EVC2: variants seen among roughly 807,000 people sequenced by gnomAD.
EVC2 encodes EvC ciliary complex subunit 2.
Under a neutral mutation model 149.3 loss-of-function variants are expected in EVC2, and 148 were observed. The ratio of observed to expected loss-of-function variants is 0.99; its 90% CI spans 0.87 to 1.14. EVC2 has a LOEUF of 1.14. Among genes scored for constraint, EVC2 ranks in the 50% most tolerant of loss-of-function variants. The probability of loss-of-function intolerance (pLI) is 0.00; values close to 1 mark genes in which losing one functional copy is unlikely to be tolerated. For synonymous variants in EVC2, 776 were observed against 649.9 expected, an observed-to-expected ratio of 1.19 and a Z score of -2.95; for missense variants, 1,854 against 1,627.3, an observed-to-expected ratio of 1.14 and a Z score of -2.40.
intron 11 of EVC2, 30 bp downstream of exon 11, chr4:5,631,763 T>A (rs1160789507): frequency 1.2e-6 from 2 of 1,611,780 alleles, no homozygotes; most frequent in Admixed American, 3.3e-5. Flanking sequence ...GAAAAATTAC[T>A]TTTCCATCAC....
the EVC2 span, among the ~76,000 whole-genome samples, chr4:5,531,821 T>C: frequency 6.6e-6 from 1 of 151,970 alleles, no homozygotes; most frequent in Non-Finnish European, 1.5e-5. Context: ...AAGTGCACAA[T>C]AAATATAATG....
rs4689278 is a variant in EVC2, at chr4:5,689,175, T to C, written c.688A>G (p.Ser230Gly). ...CTGTTACCTTGCAGAAACTTCTTGC[T>C]AAAAGCCTGGAATCCTTCCGAGGTC... ...NRTSEGFQAFSKKFLQVGDAF... is the reference protein window; with the variant it reads ...NRTSEGFQAFGKKFLQVGDAF... Residue 230 changes from serine to glycine, a missense_variant, in exon 5 of 22, where the codon AGC becomes GGC. Coordinates refer to ENST00000344408, the MANE Select transcript of EVC2 (RefSeq NM_147127.5). The C allele has an allele frequency of 0.23, 363,733 of 1,613,956 alleles. 41,951 individuals carry two copies. Among genetic ancestry groups the C allele is most frequent in the East Asian group, 0.35 (15,781 of 44,862 alleles).
At chr4:5,626,005 G>A (rs1577175582) in intron 12 of EVC2, 97 bp from the exon 13 acceptor site, 1 of 1,466,256 alleles carries the variant, frequency 6.8e-7, no homozygotes, top group Non-Finnish European at 9.5e-7. Flanking sequence ...TATTAGTTTG[G>A]TTTGAATCAG....
rs572056540 is a variant in EVC2 at position 5,622,728 on chromosome 4, C to T, written c.2310G>A (p.Trp770Ter). Residue 770 changes from tryptophan to a stop codon, truncating the protein, a stop_gained, in exon 14 of 22, where the codon TGG (tryptophan) becomes TGA (stop). Coordinates refer to ENST00000344408, the MANE Select transcript of EVC2 (RefSeq NM_147127.5). LOFTEE classifies it high-confidence loss of function. The surrounding 1 kb of genome is among the most constrained non-coding windows in gnomAD (Gnocchi z 5.8). ...TQELLKRGVPWLFLQQILEEH... is the reference protein window; with the variant it reads ...TQELLKRGVP ...CCTCCAGGATCTGCTGCAGGAAGAG[C>T]CAGGGCACCCCACGCTTGAGCAGCT... 6.2e-7 allele frequency: 1 copy of T among 1,614,020 alleles called. No individual in the cohort carries two copies. Among genetic ancestry groups the T allele is most frequent in the Non-Finnish European group, 8.5e-7 (1 of 1,180,044 alleles).
chr4:5,631,500 CATCTT>C lies in EVC2; in HGVS notation c.1710+288_1710+292del, dbSNP rs1021645471. ...GTGGGTGTGGGCATTCTATCACACTCATCTTATAAGTGACGAAACTAAGGCTCAAA... is the reference window on the plus strand; with the variant it reads ...GTGGGTGTGGGCATTCTATCACACTCATAAGTGACGAAACTAAGGCTCAAA... On this transcript the variant is annotated intron_variant, in intron 11 of 21. Coordinates refer to ENST00000344408, the MANE Select transcript of EVC2 (RefSeq NM_147127.5). Among the ~76,000 whole-genome samples, 21 of 152,098 alleles carry C rather than the reference CATCTT, an allele frequency of 1.4e-4. No homozygotes were observed. The South Asian group carries it at 3.5e-3, about 26-fold the overall frequency.
chr4:5,663,494 C>T (rs1408459172), intron 8 of EVC2, among the ~76,000 whole-genome samples: 1 of 152,192 alleles, frequency 6.6e-6, no homozygotes, highest in Non-Finnish European at 1.5e-5. Context: ...GAACAATGGA[C>T]AGAAAGAACT....
chr4:5,615,396 C>T (rs1193956026), intron 16 of EVC2, 26 bp downstream of exon 16: 1 of 1,613,996 alleles, frequency 6.2e-7, no homozygotes, highest in East Asian at 2.2e-5. Context: ...CAGAGAGAAA[C>T]AGCTGGGTGA....
downstream of EVC2, among the ~76,000 whole-genome samples, chr4:5,561,583 G>T (rs770040138): frequency 4.6e-5 from 7 of 152,170 alleles, no homozygotes; most frequent in Non-Finnish European, 8.8e-5. Flanking sequence ...CATGCTGATG[G>T]GAAACTGCAA....
intron 16 of EVC2, among the ~76,000 whole-genome samples, chr4:5,585,736 AC>A (rs1365187859): frequency 6.6e-6 from 1 of 151,624 alleles, no homozygotes. Context: ...TGGTAATCCC[AC>A]CCCCTGCCCC....
chr4:5,599,630 G>A (rs1159019951), intron 16 of EVC2, among the ~76,000 whole-genome samples: 7 of 152,150 alleles, frequency 4.6e-5, no homozygotes, highest in Admixed American at 1.3e-4. Context: ...GAAATGACGA[G>A]TTAATGGGTG....
rs186715265 is a variant in EVC2, at chr4:5,609,358, T to A, written c.2829+6064A>T. Among the ~76,000 whole-genome samples, 628 of 152,270 alleles carry A rather than the reference T, an allele frequency of 4.1e-3. 1 individual carries two copies. The highest frequency in any genetic ancestry group is 7.0e-3 in the Non-Finnish European group (476 of 68,026). ...CTGCAATTATCCTGCAAATAAAACA[T>A]CTGAACAACCGCCATGCAAGTGCTA... On this transcript the variant is annotated intron_variant, in intron 16 of 21. Transcript: ENST00000344408.
chr4:5,643,905 A>G (rs922622367), intron 9 of EVC2, among the ~76,000 whole-genome samples: 5 of 152,238 alleles, frequency 3.3e-5, no homozygotes, highest in African/African-American at 9.6e-5. Context: ...AATAAAAAAA[A>G]ATTAAAACAA....
intron 21 of EVC2, among the ~76,000 whole-genome samples, chr4:5,556,664 C>A (rs1190305885): frequency 6.6e-6 from 1 of 151,912 alleles, no homozygotes; most frequent in African/African-American, 2.4e-5. Flanking sequence ...CTGAAAACAT[C>A]AATCTAATTG....
intron 6 of EVC2, among the ~76,000 whole-genome samples, chr4:5,682,294 C>T (rs1720400520): frequency 6.6e-6 from 1 of 151,798 alleles, no homozygotes; most frequent in Non-Finnish European, 1.5e-5. Context: ...AGTTCAAGAC[C>T]AGCCTGGCCA....
chr4:5,540,247 T>C (rs967297523), downstream of EVC2, among the ~76,000 whole-genome samples: 1 of 152,220 alleles, frequency 6.6e-6, no homozygotes. Context: ...TGTAACGTGG[T>C]GCAAACACTG....
At chr4:5,672,988 G>A (rs1719748987) in intron 7 of EVC2, among the ~76,000 whole-genome samples, 1 of 152,198 alleles carries the variant, frequency 6.6e-6, no homozygotes, top group African/African-American at 2.4e-5. Context: ...CCAGGGGCTG[G>A]GGGAGAAGGA....
chr4:5,695,330 A>G (rs1370272741), intron 2 of EVC2, among the ~76,000 whole-genome samples: 2 of 151,622 alleles, frequency 1.3e-5, no homozygotes, highest in African/African-American at 4.8e-5. Context: ...TCTGGGCGAC[A>G]GAGCAAGACT....
chr4:5,562,327 G>T, downstream of EVC2: 1 of 520,650 alleles, frequency 1.9e-6, no homozygotes, highest in Non-Finnish European at 2.5e-6. This position sits in a 1 kb window ranked among gnomAD's most constrained non-coding sequence, Gnocchi z 4.3. Context: ...GGCAACTGGA[G>T]CGATAGAGGG....
At chr4:5,592,794 C>T (rs923994241) in intron 16 of EVC2, among the ~76,000 whole-genome samples, 1 of 152,170 alleles carries the variant, frequency 6.6e-6, no homozygotes, top group Non-Finnish European at 1.5e-5. Context: ...TGGCTCCTCC[C>T]AAGTGCTGGC....
Sources: gnomAD v4.1 joint callset for allele counts (sites outside exome capture counted in the v4.1 genomes callset) on GRCh38, gnomAD v4.1.1 for gene constraint, Gnocchi (gnomAD v3.1) non-coding constraint, MANE v1.5 for transcripts, NCBI Gene and HGNC (gene_info 2026-07-23, HGNC 2026-07-21) for gene names.